The following TPP2 variants were observed in gnomAD, a reference collection of about 807,000 sequenced individuals.
TPP2 encodes tripeptidyl-peptidase 2.
In TPP2, 34 loss-of-function variants were observed where a neutral mutation model predicts 155.9. That is an observed-to-expected ratio of 0.22 (90% CI 0.17 to 0.29). TPP2 has a LOEUF of 0.29. Ranked by LOEUF, TPP2 falls within the 10% of genes least tolerant of loss-of-function variation. The probability of loss-of-function intolerance (pLI) is 1.00; values close to 1 mark genes in which losing one functional copy is unlikely to be tolerated. For synonymous variants in TPP2, 510 were observed against 529.4 expected, an observed-to-expected ratio of 0.96 and a Z score of 0.50; for missense variants, 1,028 against 1,522.3, an observed-to-expected ratio of 0.68 and a Z score of 5.40.
chr13:102,663,850 C>T, intron 26 of TPP2, 106 bp downstream of exon 26: 1 of 840,920 alleles, frequency 1.2e-6, no homozygotes, highest in Non-Finnish European at 1.7e-6. Flanking sequence ...CTAACTAAAA[C>T]ATGTTTTCTC....
intron 9 of TPP2, 151 bp downstream of exon 9, chr13:102,629,760 G>T: frequency 9.0e-7 from 1 of 1,113,974 alleles, no homozygotes; most frequent in Non-Finnish European, 1.2e-6. Flanking sequence ...AGGGGAACCA[G>T]CACATCTAGA....
intron 4 of TPP2, among the ~76,000 whole-genome samples, chr13:102,617,994 A>G (rs1880876176): frequency 1.3e-5 from 2 of 152,198 alleles, no homozygotes; most frequent in Non-Finnish European, 2.9e-5. Flanking sequence ...TTCAGTATTT[A>G]TATGCCTTTC....
intron 2 of TPP2, among the ~76,000 whole-genome samples, chr13:102,606,377 G>GT (rs1566317066): frequency 6.6e-6 from 1 of 152,144 alleles, no homozygotes; most frequent in African/African-American, 2.4e-5. Flanking sequence ...ATTCCATGGG[G>GT]TAGGAGTCCA....
chr13:102,625,075 G>C (rs1356617321), intron 6 of TPP2, among the ~76,000 whole-genome samples: 4 of 150,972 alleles, frequency 2.6e-5, no homozygotes, highest in African/African-American at 9.7e-5. Context: ...GGTCAGGCTA[G>C]TATCAAATTC....
intron 5 of TPP2, among the ~76,000 whole-genome samples, chr13:102,620,123 A>G (rs1881045932): frequency 6.6e-6 from 1 of 152,208 alleles, no homozygotes; most frequent in African/African-American, 2.4e-5. Flanking sequence ...AACACTGCAG[A>G]TTACTTTGTC....
chr13:102,625,592 A>G (rs938197829), intron 6 of TPP2, among the ~76,000 whole-genome samples: 1 of 152,228 alleles, frequency 6.6e-6, no homozygotes, highest in East Asian at 1.9e-4. Context: ...AATAGTGGTC[A>G]TTCTAACTGG....
intron 1 of TPP2, among the ~76,000 whole-genome samples, chr13:102,601,610 G>C (rs997945486): frequency 1.3e-5 from 2 of 152,110 alleles, no homozygotes; most frequent in African/African-American, 4.8e-5. Flanking sequence ...AGCTCTTACC[G>C]ATACTAACTG....
intron 20 of TPP2, 46 bp downstream of exon 20, chr13:102,646,436 GT>G: frequency 1.4e-6 from 2 of 1,474,582 alleles, no homozygotes; most frequent in Non-Finnish European, 1.9e-6. Flanking sequence ...GAACTTTTGT[GT>G]TTTATTTATG....
intron 27 of TPP2, among the ~76,000 whole-genome samples, chr13:102,668,837 A>T (rs910477319): frequency 4.6e-5 from 7 of 152,252 alleles, no homozygotes; most frequent in Non-Finnish European, 1.0e-4. Flanking sequence ...AGCAGGATTC[A>T]TTCAGCCTTC....
intron 25 of TPP2, among the ~76,000 whole-genome samples, chr13:102,659,988 G>C (rs1357145442): frequency 7.7e-6 from 1 of 130,306 alleles, no homozygotes. Flanking sequence ...AGATAGTAAA[G>C]TAATTATTAT....
At position 102,637,128 on chromosome 13, in the gene TPP2, A is replaced by G. The variant is rs746442285; in HGVS notation, c.1725A>G (p.Ser575=). The G allele has an allele frequency of 6.2e-7, 1 of 1,612,112 alleles. No individual in the cohort carries two copies. The highest frequency in any genetic ancestry group is 1.1e-5 in the South Asian group (1 of 90,236). Residue 575 remains serine (S), a synonymous_variant, in exon 14 of 30, where the codon TCA becomes TCG. Coordinates refer to ENST00000376052, the MANE Select transcript of TPP2 (RefSeq NM_001330588.2). ...TTCAGCTTCATTTAGCTCTGACTTC[A>G]AATTCATCTTGGGTTCAGTGTCCCA... ...ISLQLHLALT[S]NSSWVQCPSH...
At chr13:102,655,218 C>A (rs1322316980) in intron 24 of TPP2, among the ~76,000 whole-genome samples, 2 of 152,062 alleles carry the variant, frequency 1.3e-5, no homozygotes, top group African/African-American at 4.8e-5. Flanking sequence ...TCATTTTATA[C>A]CCCGAAATTG....
intron 2 of TPP2, among the ~76,000 whole-genome samples, chr13:102,607,375 A>T (rs9518794): frequency 6.6e-6 from 1 of 152,170 alleles, no homozygotes; most frequent in Non-Finnish European, 1.5e-5. Context: ...GAAATGGTCA[A>T]TGGAGCATTT....
intron 13 of TPP2, 28 bp downstream of exon 13, chr13:102,636,420 C>T (rs775992175): frequency 3.3e-5 from 52 of 1,591,924 alleles, no homozygotes; most frequent in Non-Finnish European, 3.9e-5. Flanking sequence ...AGTAAGCTGA[C>T]GTATTCACAT....
intron 2 of TPP2, among the ~76,000 whole-genome samples, chr13:102,607,092 G>A (rs887719026): frequency 1.1e-4 from 17 of 152,240 alleles, no homozygotes; most frequent in African/African-American, 4.1e-4. Context: ...CTGTAAGCCA[G>A]GAAGAGGGCT....
At chr13:102,654,831 A>C in intron 24 of TPP2, 1 of 408,432 alleles carries the variant, frequency 2.4e-6, no homozygotes, top group Non-Finnish European at 4.9e-6. Flanking sequence ...GTCTGTTTCC[A>C]TAAGAACTTG....
rs915010533 is a variant in TPP2, at chr13:102,638,231, T to A, written c.1837-8T>A. ...TGGATATTGACACTTACCGATTCTT[T>A]TTTCAAGGTATGTGGCTATGATATA... is the stretch of plus-strand genomic sequence containing the variant. On this transcript the variant is annotated splice_region_variant and splice_polypyrimidine_tract_variant and intron_variant, in intron 14 of 29. Coordinates refer to ENST00000376052, the MANE Select transcript of TPP2 (RefSeq NM_001330588.2). The A allele has an allele frequency of 1.2e-6, 2 of 1,611,586 alleles. No homozygotes were observed. The highest frequency in any genetic ancestry group is 3.3e-5 in the Admixed American group (2 of 60,008).
chr13:102,631,933 G>C (rs1386538197), intron 10 of TPP2, among the ~76,000 whole-genome samples: 2 of 152,162 alleles, frequency 1.3e-5, no homozygotes, highest in Non-Finnish European at 1.5e-5. Context: ...TGCACGTGTG[G>C]CATATTTCTT....
chr13:102,619,132 T>C (rs1412292931), intron 5 of TPP2, among the ~76,000 whole-genome samples: 1 of 152,200 alleles, frequency 6.6e-6, no homozygotes, highest in East Asian at 1.9e-4. Flanking sequence ...GTTTCCTCAT[T>C]TGTTAATTGA....
Sources: allele counts gnomAD v4.1 joint callset (sites outside exome capture counted in the v4.1 genomes callset), GRCh38; gene constraint gnomAD v4.1.1; transcripts MANE v1.5; gene names NCBI Gene and HGNC (gene_info 2026-07-23, HGNC 2026-07-21).